AP3B1: variants seen among roughly 807,000 people sequenced by gnomAD.
The protein encoded by AP3B1 is AP-3 complex subunit beta-1.
Under a neutral mutation model 132.5 loss-of-function variants are expected in AP3B1, and 61 were observed. The observed-to-expected ratio is 0.46, with a 90% CI of 0.37 to 0.57. AP3B1 has a LOEUF of 0.57. Among genes scored for constraint, AP3B1 ranks in the 20% least tolerant of loss-of-function variants. The probability of loss-of-function intolerance (pLI) is 0.00; values close to 1 mark genes in which losing one functional copy is unlikely to be tolerated. For synonymous variants in AP3B1, 388 were observed against 438.3 expected (o/e 0.89, Z 1.43); for missense variants, 1,120 against 1,289.4 (o/e 0.87, Z 2.01).
At chr5:78,137,992 T>A (rs1437001230) in intron 15 of AP3B1, among the ~76,000 whole-genome samples, 1 of 151,818 alleles carries the variant, frequency 6.6e-6, no homozygotes, top group Non-Finnish European at 1.5e-5. Flanking sequence ...GCAAACCAGC[T>A]ACTCATCACT....
rs527846312 is a variant in AP3B1, at chr5:78,122,596, A to C, written c.1968+5434T>G. Reference sequence around the variant, plus strand: ...AATCATGAGTGAACTCCCATTCACAATTGCTTCAAAGAGAATAAAATACCT... The same window carrying C: ...AATCATGAGTGAACTCCCATTCACACTTGCTTCAAAGAGAATAAAATACCT... On this transcript the variant is annotated intron_variant, in intron 17 of 26. Coordinates refer to ENST00000255194, the MANE Select transcript of AP3B1 (RefSeq NM_003664.5). 1.8e-4 allele frequency among the ~76,000 whole-genome samples: 27 copies of C among 152,352 alleles called. No homozygotes were observed. In the South Asian group the frequency reaches 5.4e-3, roughly 30 times the overall value.
chr5:78,202,512 TTTTG>T (rs1173031152), intron 7 of AP3B1, among the ~76,000 whole-genome samples: 1 of 151,278 alleles, frequency 6.6e-6, no homozygotes, highest in Admixed American at 6.6e-5. Flanking sequence ...GTGTTTCTGC[TTTTG>T]TGTGTGTACA....
chr5:78,087,681 A>G (rs1486224608), intron 22 of AP3B1: 1 of 985,200 alleles, frequency 1.0e-6, no homozygotes, highest in African/African-American at 1.7e-5. Context: ...TGAAGAGACC[A>G]TCTCAATAAA....
intron 3 of AP3B1, among the ~76,000 whole-genome samples, chr5:78,234,974 A>G (rs1462759882): frequency 6.6e-6 from 1 of 151,988 alleles, no homozygotes. Flanking sequence ...TTTTTGGTGT[A>G]TGTGGGTGTG....
Position 78,248,230 on chromosome 5 carries a change from G to A in AP3B1, c.205-7294C>T, listed in dbSNP as rs534924624. On this transcript the variant is annotated intron_variant, in intron 2 of 26. Coordinates refer to ENST00000255194, the MANE Select transcript of AP3B1 (RefSeq NM_003664.5). ...AAACAGGCAGGGCACAGTGGCTCAC[G>A]CCTGTAATCCCAGCACTTTGGGAGG... 1.6e-4 allele frequency among the ~76,000 whole-genome samples: 24 copies of A among 152,132 alleles called. No individual in the cohort carries two copies. The East Asian group carries it at 3.3e-3, about 21-fold the overall frequency.
At chr5:78,117,722 T>A (rs1378986573) in intron 17 of AP3B1, among the ~76,000 whole-genome samples, 1 of 152,210 alleles carries the variant, frequency 6.6e-6, no homozygotes, top group Admixed American at 6.5e-5. Context: ...ATACTGACTT[T>A]AGTGTTTACT....
rs573401716 is a variant in AP3B1, at chr5:78,008,484, T to A, written c.3132-5429A>T. Among the ~76,000 whole-genome samples the A allele has an allele frequency of 5.9e-5, 9 of 152,322 alleles. No individual in the cohort carries two copies. The South Asian group carries it at 1.9e-3, about 32-fold the overall frequency. The stretch of plus-strand genomic sequence containing the variant: ...GTGTGAAAATTAACTGAGGTCCGCA[T>A]TTGTTTGTCAATGAACTGATGCTCA... On this transcript the variant is annotated intron_variant, in intron 26 of 26. Transcript: ENST00000255194.
intron 17 of AP3B1, among the ~76,000 whole-genome samples, chr5:78,125,782 T>C (rs1158791701): frequency 1.3e-5 from 2 of 152,156 alleles, no homozygotes; most frequent in Admixed American, 6.5e-5. Context: ...GAAAAAGAAA[T>C]TAATTTGTCT....
chr5:78,209,116 A>C (rs537653264), intron 7 of AP3B1, among the ~76,000 whole-genome samples: 42 of 152,126 alleles, frequency 2.8e-4, no homozygotes, highest in African/African-American at 9.2e-4. Context: ...ACACACACCA[A>C]AAATAAAATT....
intron 20 of AP3B1, among the ~76,000 whole-genome samples, chr5:78,102,872 TTAAA>T (rs1451640817): frequency 2.0e-5 from 3 of 152,114 alleles, no homozygotes; most frequent in African/African-American, 7.2e-5. Context: ...ACAATATCTA[TTAAA>T]TACATATCAG....
intron 26 of AP3B1, among the ~76,000 whole-genome samples, chr5:78,009,819 T>C (rs1746545816): frequency 1.3e-5 from 2 of 152,120 alleles, no homozygotes; most frequent in African/African-American, 4.8e-5. Context: ...CAGTAGTGAA[T>C]ACAAGTTAAT....
At chr5:78,047,289 A>G (rs1425036734) in intron 22 of AP3B1, among the ~76,000 whole-genome samples, 1 of 152,146 alleles carries the variant, frequency 6.6e-6, no homozygotes, top group African/African-American at 2.4e-5. Context: ...TGTCTTCCAC[A>G]ATGGTTGAAC....
chr5:78,042,999 G>T, intron 22 of AP3B1: 1 of 173,652 alleles, frequency 5.8e-6, no homozygotes, highest in Non-Finnish European at 1.3e-5. Flanking sequence ...TCTTGATCTT[G>T]TTTAGTTCTT....
intron 21 of AP3B1, among the ~76,000 whole-genome samples, chr5:78,097,842 G>T (rs1750940551): frequency 1.3e-5 from 2 of 152,238 alleles, no homozygotes; most frequent in South Asian, 2.1e-4. Flanking sequence ...AGAAAGCGGG[G>T]AAAGGTGGGG....
chr5:78,137,801 A>G (rs143174068), intron 15 of AP3B1, among the ~76,000 whole-genome samples: 6 of 152,342 alleles, frequency 3.9e-5, no homozygotes, highest in African/African-American at 7.2e-5. Context: ...AGGCAGATAA[A>G]GAAATTTACT....
intron 21 of AP3B1, among the ~76,000 whole-genome samples, chr5:78,091,621 A>AC (rs1750521652): frequency 6.6e-6 from 1 of 152,180 alleles, no homozygotes. Context: ...TAAGAGTGAG[A>AC]TTTGAATAAG....
chr5:78,094,400 A>G (rs1416036957), intron 21 of AP3B1, among the ~76,000 whole-genome samples: 1 of 152,218 alleles, frequency 6.6e-6, no homozygotes, highest in Non-Finnish European at 1.5e-5. Flanking sequence ...AAAAATTACA[A>G]ATGAATAAAA....
intron 17 of AP3B1, among the ~76,000 whole-genome samples, chr5:78,124,443 G>A (rs1752377162): frequency 6.6e-6 from 1 of 152,194 alleles, no homozygotes; most frequent in African/African-American, 2.4e-5. Flanking sequence ...GGGTGATGTA[G>A]CTCATACCTG....
intron 6 of AP3B1, among the ~76,000 whole-genome samples, chr5:78,219,512 T>C (rs1057436425): frequency 6.6e-6 from 1 of 151,886 alleles, no homozygotes; most frequent in African/African-American, 2.4e-5. Flanking sequence ...TAAAGAAAAA[T>C]GGTAACAGTT....
Sources: gnomAD v4.1 joint callset for allele counts (sites outside exome capture counted in the v4.1 genomes callset) on GRCh38, gnomAD v4.1.1 for gene constraint, MANE v1.5 for transcripts, NCBI Gene and HGNC (gene_info 2026-07-23, HGNC 2026-07-21) for gene names.